Variants in EDEM3 observed in about 807,000 individuals in gnomAD.
EDEM3 encodes the protein ER degradation enhancing alpha-mannosidase like protein 3.
EDEM3 carries 60 observed loss-of-function variants against 110.2 expected under a neutral mutation model. The ratio of observed to expected loss-of-function variants is 0.54; its 90% CI spans 0.44 to 0.67. The LOEUF is 0.67. EDEM3 is among the 30% of genes least tolerant of loss of function. The pLI, the probability that EDEM3 is intolerant of heterozygous loss-of-function variation, is 0.00. For synonymous variants in EDEM3, 352 were observed against 382.9 expected (o/e 0.92, Z 0.94); for missense variants, 996 against 1,121.0 (o/e 0.89, Z 1.59).
rs1388306114 is a variant in EDEM3 at position 184,754,847 on chromosome 1, G to A, written c.-201C>T. The A allele has an allele frequency of 2.4e-6, 2 of 830,916 alleles. No individual in the cohort carries two copies. Among genetic ancestry groups the A allele is most frequent in the East Asian group, 3.2e-5 (1 of 31,438 alleles). 51.5% of individuals were successfully genotyped at this position (830,916 alleles called of 1,614,324 possible). A position where few individuals can be genotyped will look rare whatever the true frequency, so the allele number is the denominator to read the frequency against. ...GCGCTGCCACCGCCCTCCGCCCTCA[G>A]TATCCCGGAGCGCCTCCCCCAGCTT... On this transcript the variant is annotated 5_prime_UTR_variant, in exon 1 of 20. Coordinates refer to ENST00000318130, the MANE Select transcript of EDEM3 (RefSeq NM_025191.4).
At chr1:184,748,963 G>A (rs1652598484) in intron 2 of EDEM3, among the ~76,000 whole-genome samples, 1 of 152,242 alleles carries the variant, frequency 6.6e-6, no homozygotes, top group East Asian at 1.9e-4. Flanking sequence ...TTGAATTCCA[G>A]AATTTGCTAT....
intron 4 of EDEM3, among the ~76,000 whole-genome samples, chr1:184,736,595 G>A (rs1651836934): frequency 6.6e-6 from 1 of 152,116 alleles, no homozygotes; most frequent in South Asian, 2.1e-4. Context: ...GTGATCACCT[G>A]ATGCTAAAAA....
Position 184,754,518 on chromosome 1 carries a change from G to A in EDEM3, c.129C>T (p.Pro43=). The A allele has an allele frequency of 6.2e-7, 1 of 1,613,170 alleles. No homozygotes were observed. Among genetic ancestry groups the A allele is most frequent in the South Asian group, 1.1e-5 (1 of 91,084 alleles). The part of the protein sequence containing the change: ...ATSVWTAGAE[P]MSREEKQKLG... ...GCTTCTGTTTCTCCTCCCTACTCAT[G>A]GGCTCGGCCCCCGCCGTCCACACGG... is the stretch of plus-strand genomic sequence containing the variant. The change falls in exon 1 of 20, where the codon CCC becomes CCT. Residue 43 remains proline (P), a synonymous_variant. Coordinates refer to ENST00000318130, the MANE Select transcript of EDEM3 (RefSeq NM_025191.4).
intron 11 of EDEM3, among the ~76,000 whole-genome samples, chr1:184,718,281 A>G (rs1443000835): frequency 1.3e-5 from 2 of 152,136 alleles, no homozygotes; most frequent in African/African-American, 4.8e-5. Flanking sequence ...AATTTATTCA[A>G]TAACATAATC....
rs149924825 is a variant in EDEM3 at position 184,746,456 on chromosome 1, C to T, written c.204+3091G>A. Among the ~76,000 whole-genome samples the T allele has an allele frequency of 7.9e-5, 12 of 152,288 alleles. No homozygotes were observed. The East Asian group carries it at 1.9e-3, about 24-fold the overall frequency. ...AATAAATAATAATGATAGTAGTAGT[C>T]GTTATCAGTAGCAGCAGTAAATTCT... On this transcript the variant is annotated intron_variant, in intron 2 of 19. Coordinates refer to ENST00000318130, the MANE Select transcript of EDEM3 (RefSeq NM_025191.4).
intron 13 of EDEM3, among the ~76,000 whole-genome samples, chr1:184,716,529 T>C (rs1650556023): frequency 6.6e-6 from 1 of 152,114 alleles, no homozygotes; most frequent in Admixed American, 6.6e-5. Context: ...TCCAGATCAT[T>C]CCTCATCTTG....
At chr1:184,739,692 C>A (rs768978402) in intron 2 of EDEM3, among the ~76,000 whole-genome samples, 2 of 152,006 alleles carry the variant, frequency 1.3e-5, no homozygotes, top group African/African-American at 2.4e-5. Context: ...TTAATAATGA[C>A]CATGACAGAT....
chr1:184,736,982 T>C, intron 4 of EDEM3, 43 bp downstream of exon 4: 4 of 1,467,812 alleles, frequency 2.7e-6, no homozygotes, highest in Non-Finnish European at 3.8e-6. Context: ...TACTTAAGTG[T>C]GCATATCATG....
At chr1:184,698,772 C>CAG (rs566389281) in intron 19 of EDEM3, among the ~76,000 whole-genome samples, 201 of 151,242 alleles carry the variant, frequency 1.3e-3, no homozygotes, top group African/African-American at 4.6e-3. Context: ...TGTAGAGAAG[C>CAG]AGAGAGAGAG....
Position 184,694,308 on chromosome 1 carries a change from T to C in EDEM3, c.2554A>G (p.Met852Val), listed in dbSNP as rs2102050411. ...SHPESLSLADMDNAASISPSE... is the reference protein window; with the variant it reads ...SHPESLSLADVDNAASISPSE... ...GGGGAAATGCTTGCAGCATTGTCCATATCTGCTAGAGATAATGATTCTGGG... is the reference window on the plus strand; with the variant it reads ...GGGGAAATGCTTGCAGCATTGTCCACATCTGCTAGAGATAATGATTCTGGG... The change falls in exon 20 of 20, where the codon ATG (methionine) becomes GTG (valine). Residue 852 changes from methionine to valine, a missense_variant. Transcript: ENST00000318130. 6.2e-7 allele frequency: 1 copy of C among 1,613,286 alleles called. No homozygotes were observed. Among genetic ancestry groups the C allele is most frequent in the Non-Finnish European group, 8.5e-7 (1 of 1,179,596 alleles).
chr1:184,740,229 C>T (rs2102123676), intron 2 of EDEM3, among the ~76,000 whole-genome samples: 1 of 152,218 alleles, frequency 6.6e-6, no homozygotes, highest in Admixed American at 6.5e-5. Context: ...TTAGGTAATA[C>T]TAACTCCCTG....
chr1:184,732,291 C>T (rs1347042945), intron 6 of EDEM3, among the ~76,000 whole-genome samples: 1 of 151,826 alleles, frequency 6.6e-6, no homozygotes, highest in Non-Finnish European at 1.5e-5. Flanking sequence ...GAGAGTAGAA[C>T]AATGGTTATC....
chr1:184,736,059 C>T (rs189527424), intron 4 of EDEM3, among the ~76,000 whole-genome samples: 12 of 152,204 alleles, frequency 7.9e-5, no homozygotes, highest in African/African-American at 2.6e-4. Flanking sequence ...ACTTTCAAAC[C>T]CTGACTAGCT....
intron 1 of EDEM3, among the ~76,000 whole-genome samples, chr1:184,750,518 C>CCTTTTTT (rs1558075888): frequency 6.8e-6 from 1 of 146,388 alleles, no homozygotes; most frequent in Non-Finnish European, 1.5e-5. Flanking sequence ...TTAACTTTTT[C>CCTTTTTT]TTTTTTTTTT....
intron 7 of EDEM3, among the ~76,000 whole-genome samples, chr1:184,725,514 G>C (rs563644959): frequency 3.7e-3 from 558 of 151,854 alleles, no homozygotes; most frequent in Non-Finnish European, 7.1e-3. Context: ...TGAACATACA[G>C]ACATACATTC....
In EDEM3 at chr1:184,736,532, T is replaced by C. The variant is rs563868565; in HGVS notation, c.345+493A>G. 2.0e-5 allele frequency among the ~76,000 whole-genome samples: 3 copies of C among 152,252 alleles called. No individual in the cohort carries two copies. The South Asian group carries it at 6.2e-4, about 32-fold the overall frequency. On this transcript the variant is annotated intron_variant, in intron 4 of 19. Coordinates refer to ENST00000318130, the MANE Select transcript of EDEM3 (RefSeq NM_025191.4). The stretch of plus-strand genomic sequence containing the variant: ...TCCCCTCTGTCATCACAAACAGTCC[T>C]GAACCAGAAATAAATTTCTGTACTA...
intron 1 of EDEM3, among the ~76,000 whole-genome samples, chr1:184,751,641 A>T (rs1652773379): frequency 6.6e-6 from 1 of 152,234 alleles, no homozygotes; most frequent in Admixed American, 6.5e-5. Context: ...ACTATACTGA[A>T]CAGAAAAAAA....
chr1:184,702,839 C>G lies in EDEM3; in HGVS notation c.2361G>C (p.Val787=). Residue 787 remains valine (V), a synonymous_variant, in exon 19 of 20, where the codon GTG becomes GTC. Coordinates refer to ENST00000318130, the MANE Select transcript of EDEM3 (RefSeq NM_025191.4). The part of the protein sequence containing the change: ...DAIREYEEVE[V]LLSDKAKDRD... ...GATCTTTTGCTTTATCAGAGAGGAGCACTTCTACCTCCTCATATTCCCGGA... is the reference window on the plus strand; with the variant it reads ...GATCTTTTGCTTTATCAGAGAGGAGGACTTCTACCTCCTCATATTCCCGGA... 6.2e-7 allele frequency: 1 copy of G among 1,608,152 alleles called. No individual in the cohort carries two copies. The highest frequency in any genetic ancestry group is 8.5e-7 in the Non-Finnish European group (1 of 1,177,826).
chr1:184,733,115 A>T, intron 5 of EDEM3, 125 bp from the exon 6 acceptor site: 1 of 963,608 alleles, frequency 1.0e-6, no homozygotes, highest in Non-Finnish European at 1.5e-6. Flanking sequence ...TTACTTAAAC[A>T]TTATTTACTT....
Sources: gnomAD v4.1 joint callset for allele counts (sites outside exome capture counted in the v4.1 genomes callset) on GRCh38, gnomAD v4.1.1 for gene constraint, MANE v1.5 for transcripts, NCBI Gene and HGNC (gene_info 2026-07-23, HGNC 2026-07-21) for gene names.